Variants in LDLRAD4 observed in about 807,000 individuals in gnomAD.
LDLRAD4 encodes the protein low density lipoprotein receptor class A domain containing 4, also known as low-density lipoprotein receptor class A domain-containing protein 4.
LDLRAD4 carries 5 observed loss-of-function variants against 17.0 expected under a neutral mutation model. The ratio of observed to expected loss-of-function variants is 0.29; its 90% confidence interval spans 0.15 to 0.62. The LOEUF (loss-of-function observed/expected upper bound fraction) is 0.62, where lower values mean the gene tolerates loss of function less well. LDLRAD4 is among the 20% of genes least tolerant of loss of function. The pLI is 0.84. For missense variants in LDLRAD4, 340 were observed against 424.7 expected (o/e 0.80, Z 1.75); for synonymous variants, 168 against 171.8 (o/e 0.98, Z 0.17).
chr18:13,309,130 G>A (rs1172799412), intron 1 of LDLRAD4, among the ~76,000 whole-genome samples: 4 of 152,342 alleles, frequency 2.6e-5, no homozygotes, highest in African/African-American at 9.6e-5. Flanking sequence ...AGGCAGATTA[G>A]ACTTTAAGTT....
At chr18:13,339,243 C>T (rs1468484319) in intron 1 of LDLRAD4, among the ~76,000 whole-genome samples, 1 of 148,678 alleles carries the variant, frequency 6.7e-6, no homozygotes, top group East Asian at 2.0e-4. Flanking sequence ...CTGAGTCTTG[C>T]TCTGTTGCCC....
At chr18:13,285,282 G>T (rs2045556490) in intron 1 of LDLRAD4, among the ~76,000 whole-genome samples, 1 of 152,184 alleles carries the variant, frequency 6.6e-6, no homozygotes, top group Non-Finnish European at 1.5e-5. Flanking sequence ...TTGACCTCCA[G>T]AAAGGGTTAA....
chr18:13,447,696 A>T (rs1411079472), intron 3 of LDLRAD4, among the ~76,000 whole-genome samples: 2 of 152,252 alleles, frequency 1.3e-5, no homozygotes, highest in Admixed American at 1.3e-4. Context: ...GAGAATTGCA[A>T]CAATGATAGT....
rs957291810 is a variant in LDLRAD4 at position 13,398,717 on chromosome 18, G to T, written c.40+10955G>T. ...AGAGAGGATAGGCAGTGTGCTGGTGGGCTGCTGGTGTCCTCACAGCCTCTG... is the reference window on the plus strand; with the variant it reads ...AGAGAGGATAGGCAGTGTGCTGGTGTGCTGCTGGTGTCCTCACAGCCTCTG... On this transcript the variant is annotated intron_variant, in intron 2 of 5. Transcript: ENST00000359446. This position sits in a 1 kb window ranked among gnomAD's most constrained non-coding sequence, Gnocchi z 4.8. Among the ~76,000 whole-genome samples, 4 of 152,070 alleles carry T rather than the reference G, an allele frequency of 2.6e-5. No individual in the cohort carries two copies. The highest frequency in any genetic ancestry group is 5.9e-5 in the Non-Finnish European group (4 of 68,016).
At chr18:13,623,898 G>A (rs779213358) in intron 4 of LDLRAD4, among the ~76,000 whole-genome samples, 21 of 152,102 alleles carry the variant, frequency 1.4e-4, no homozygotes, top group Admixed American at 4.6e-4. Flanking sequence ...CCTGTTCCCC[G>A]TATACAGTAT....
intron 3 of LDLRAD4, among the ~76,000 whole-genome samples, chr18:13,509,780 C>G (rs1039741263): frequency 3.9e-5 from 6 of 152,272 alleles, no homozygotes; most frequent in Middle Eastern, 3.4e-3. Flanking sequence ...TCATTGTTTT[C>G]TTATTTTAAG....
intron 3 of LDLRAD4, among the ~76,000 whole-genome samples, chr18:13,556,898 A>G (rs1016458970): frequency 1.3e-5 from 2 of 152,176 alleles, no homozygotes; most frequent in African/African-American, 4.8e-5. Context: ...ACCACCCTTT[A>G]AAGGGTGATT....
At chr18:13,304,250 T>C (rs2046779766) in intron 1 of LDLRAD4, among the ~76,000 whole-genome samples, 2 of 152,226 alleles carry the variant, frequency 1.3e-5, no homozygotes, top group African/African-American at 4.8e-5. Flanking sequence ...TCAGCATCTC[T>C]GGCTGAAAGG....
intron 3 of LDLRAD4, among the ~76,000 whole-genome samples, chr18:13,616,951 T>G (rs2040142570): frequency 6.6e-6 from 1 of 152,190 alleles, no homozygotes; most frequent in Non-Finnish European, 1.5e-5. Flanking sequence ...ATCCATGTGC[T>G]GTAGATGCAC....
chr18:13,430,431 A>C lies in LDLRAD4; in HGVS notation c.41-7813A>C, dbSNP rs2146021858. Among the ~76,000 whole-genome samples, 2 of 152,294 alleles carry C rather than the reference A, an allele frequency of 1.3e-5. 1 individual carries two copies. The highest frequency in any genetic ancestry group is 4.1e-4 in the South Asian group (2 of 4,822). On this transcript the variant is annotated intron_variant, in intron 2 of 5. Coordinates refer to ENST00000359446, the Ensembl canonical transcript of LDLRAD4. ...TCCATCACTTTCACTAAGTTTATTTAAACCCTGCAGATTGAGAGCTGTGAA... is the reference window on the plus strand; with the variant it reads ...TCCATCACTTTCACTAAGTTTATTTCAACCCTGCAGATTGAGAGCTGTGAA...
chr18:13,231,365 G>C (rs1051264241), intron 1 of LDLRAD4, among the ~76,000 whole-genome samples: 3 of 152,174 alleles, frequency 2.0e-5, no homozygotes, highest in African/African-American at 7.2e-5. Context: ...CGCTGCTCTT[G>C]GTGAGCATGT....
chr18:13,456,487 A>G (rs1263537190), intron 3 of LDLRAD4, among the ~76,000 whole-genome samples: 1 of 152,042 alleles, frequency 6.6e-6, no homozygotes, highest in Non-Finnish European at 1.5e-5. Flanking sequence ...TCTTTCTATG[A>G]TGCTCCTGTA....
chr18:13,621,224 A>T lies in LDLRAD4; in HGVS notation c.289A>T (p.Ile97Phe). 1 of 1,614,014 alleles carries T rather than the reference A, an allele frequency of 6.2e-7. No individual in the cohort carries two copies. Among genetic ancestry groups the T allele is most frequent in the South Asian group, 1.1e-5 (1 of 91,092 alleles). Residue 97 changes from isoleucine to phenylalanine, a missense_variant, in exon 4 of 6, where the codon ATC (isoleucine) becomes TTC (phenylalanine). By Grantham distance (21) the Ile-to-Phe change is conservative. Transcript: ENST00000359446. The surrounding 1 kb of genome is among the most constrained non-coding windows in gnomAD (Gnocchi z 5.5). ...CTACAAAGTCTCCACGCGGTCCTTC[A>T]TCAACCGCCCGAACCAGAGCCGGAG...
intron 4 of LDLRAD4, among the ~76,000 whole-genome samples, chr18:13,625,677 G>A (rs986745143): frequency 9.3e-5 from 14 of 151,118 alleles, no homozygotes; most frequent in South Asian, 4.2e-4. Context: ...GTGAGGAGCC[G>A]CAGCCGGCGC....
At chr18:13,319,472 G>T (rs1402722500) in intron 1 of LDLRAD4, among the ~76,000 whole-genome samples, 1 of 152,184 alleles carries the variant, frequency 6.6e-6, no homozygotes, top group Non-Finnish European at 1.5e-5. Flanking sequence ...GTGGAGGCAG[G>T]ACTTGTACCC....
At chr18:13,429,151 T>G (rs1475889985) in intron 2 of LDLRAD4, among the ~76,000 whole-genome samples, 1 of 152,102 alleles carries the variant, frequency 6.6e-6, no homozygotes, top group Non-Finnish European at 1.5e-5. Flanking sequence ...AAGGATGCGG[T>G]TCCCTGTGGG....
intron 3 of LDLRAD4, among the ~76,000 whole-genome samples, chr18:13,549,425 G>A (rs1360980840): frequency 6.6e-6 from 1 of 152,074 alleles, no homozygotes; most frequent in Admixed American, 6.6e-5. Context: ...GCTGCCCATG[G>A]AAGGTACTGG....
intron 1 of LDLRAD4, among the ~76,000 whole-genome samples, chr18:13,298,004 G>T (rs1567979850): frequency 6.6e-6 from 1 of 152,356 alleles, no homozygotes; most frequent in East Asian, 1.9e-4. Flanking sequence ...GCAGCAGGCA[G>T]AGCCTGGGTA....
chr18:13,370,128 G>A (rs1043661521), intron 1 of LDLRAD4, among the ~76,000 whole-genome samples: 1 of 152,270 alleles, frequency 6.6e-6, no homozygotes, highest in East Asian at 1.9e-4. Flanking sequence ...GTATTTTCCA[G>A]GAAGAAGTGG....
Sources: gnomAD v4.1 joint callset for allele counts (sites outside exome capture counted in the v4.1 genomes callset) on GRCh38, gnomAD v4.1.1 for gene constraint, Gnocchi (gnomAD v3.1) non-coding constraint, MANE v1.5 for transcripts, NCBI Gene and HGNC (gene_info 2026-07-23, HGNC 2026-07-21) for gene names.